CENPS: variants seen among roughly 807,000 people sequenced by gnomAD.
The protein encoded by CENPS is centromere protein S.
Under a neutral mutation model 17.9 loss-of-function variants are expected in CENPS, and 16 were observed. That is an observed-to-expected ratio of 0.90 (90% CI 0.61 to 1.36). The LOEUF (loss-of-function observed/expected upper bound fraction) is 1.36, where lower values mean the gene tolerates loss of function less well. Ranked by LOEUF, CENPS falls within the 40% of genes most tolerant of loss-of-function variation. The probability of loss-of-function intolerance (pLI) is 0.00; values close to 1 mark genes in which losing one functional copy is unlikely to be tolerated. For missense variants in CENPS, 160 were observed against 158.6 expected (o/e 1.01, Z -0.05); for synonymous variants, 49 against 55.8 (o/e 0.88, Z 0.54).
chr1:10,436,253 C>T (rs1167559086), intron 3 of CENPS, among the ~76,000 whole-genome samples: 1 of 151,362 alleles, frequency 6.6e-6, no homozygotes, highest in African/African-American at 2.4e-5. Context: ...GCTAGGATTA[C>T]AGGCGTTGAG....
intron 3 of CENPS, among the ~76,000 whole-genome samples, chr1:10,437,758 ATTTTTTTTTTT>A (rs59257602): frequency 8.1e-5 from 10 of 123,216 alleles, no homozygotes; most frequent in African/African-American, 2.2e-4. Context: ...TGCCTGGCCA[ATTTTTTTTTTT>A]TTTTTTTTTT....
At chr1:10,431,307 G>A in intron 1 of CENPS, 3 of 1,535,224 alleles carry the variant, frequency 2.0e-6, no homozygotes, top group Non-Finnish European at 1.7e-6. Context: ...CCAGACGCGG[G>A]AGTTTCCTCT....
At chr1:10,435,507 C>T (rs1009538917) in intron 3 of CENPS, among the ~76,000 whole-genome samples, 1 of 151,606 alleles carries the variant, frequency 6.6e-6, no homozygotes, top group Non-Finnish European at 1.5e-5. Flanking sequence ...CTGAAAACCG[C>T]TTAGCATCTT....
intron 2 of CENPS, 150 bp downstream of exon 2, chr1:10,434,115 C>A: frequency 6.9e-7 from 1 of 1,458,790 alleles, no homozygotes; most frequent in Non-Finnish European, 9.1e-7. Flanking sequence ...CACTTCTCTT[C>A]TTGGCTGTGA....
chr1:10,431,636 A>G (rs1639919448), intron 1 of CENPS, among the ~76,000 whole-genome samples: 1 of 152,148 alleles, frequency 6.6e-6, no homozygotes, highest in Admixed American at 6.5e-5. Context: ...TGGGCAGATC[A>G]CTTGAGGTCA....
At chr1:10,436,886 T>A (rs643399) in intron 3 of CENPS, among the ~76,000 whole-genome samples, 72,986 of 151,290 alleles carry the variant, frequency 0.48, 17,656 homozygotes, top group South Asian at 0.58. Flanking sequence ...TGAAGACTCA[T>A]CTTGTGTGAA....
At chr1:10,439,499 G>A (rs971217181) in intron 3 of CENPS, among the ~76,000 whole-genome samples, 3 of 152,148 alleles carry the variant, frequency 2.0e-5, no homozygotes, top group Non-Finnish European at 4.4e-5. Flanking sequence ...TGTAATCCCA[G>A]CACTTTGGGA....
At chr1:10,436,896 A>G (rs1195715332) in intron 3 of CENPS, among the ~76,000 whole-genome samples, 1 of 152,088 alleles carries the variant, frequency 6.6e-6, no homozygotes, top group Non-Finnish European at 1.5e-5. Flanking sequence ...TCTTGTGTGA[A>G]TTCCAGTTTG....
At chr1:10,431,325 G>A in intron 1 of CENPS, 1 of 1,535,282 alleles carries the variant, frequency 6.5e-7, no homozygotes, top group Non-Finnish European at 8.7e-7. Flanking sequence ...TCTCTACAAA[G>A]TTACACTGCA....
intron 4 of CENPS, among the ~76,000 whole-genome samples, chr1:10,441,180 C>CT (rs1392008317): frequency 1.3e-5 from 2 of 151,534 alleles, no homozygotes; most frequent in Non-Finnish European, 2.9e-5. Flanking sequence ...ATGCTCACAA[C>CT]TTTTTTTTTC....
intron 3 of CENPS, among the ~76,000 whole-genome samples, chr1:10,439,971 A>AT (rs1320599126): frequency 8.5e-5 from 13 of 152,250 alleles, no homozygotes; most frequent in African/African-American, 3.1e-4. Context: ...CCTCTGTATC[A>AT]TGAGGCCCAT....
intron 3 of CENPS, among the ~76,000 whole-genome samples, chr1:10,438,265 C>T (rs1417392301): frequency 2.6e-5 from 4 of 152,196 alleles, no homozygotes; most frequent in Admixed American, 2.0e-4. Flanking sequence ...CTTTCTCAGC[C>T]TCCCAAGTAG....
intron 1 of CENPS, 121 bp from the exon 2 acceptor site, chr1:10,433,721 A>T: frequency 6.6e-7 from 1 of 1,513,810 alleles, no homozygotes; most frequent in Non-Finnish European, 8.8e-7. Flanking sequence ...CCACTCAGCC[A>T]TTATGGAAAG....
intron 4 of CENPS, 77 bp from the exon 5 acceptor site, chr1:10,442,187 GT>G: frequency 6.6e-7 from 1 of 1,511,944 alleles, no homozygotes; most frequent in South Asian, 1.3e-5. Flanking sequence ...GTTGTGGAGG[GT>G]TTAGTTTCGT....
intron 4 of CENPS, among the ~76,000 whole-genome samples, chr1:10,441,620 CTTTTT>C (rs34369229): frequency 2.1e-5 from 1 of 48,354 alleles, no homozygotes; most frequent in Admixed American, 3.5e-4. Flanking sequence ...GGCTACAACT[CTTTTT>C]TTTTTTTTTT....
chr1:10,431,779 G>T (rs572573770), intron 1 of CENPS, among the ~76,000 whole-genome samples: 2 of 150,504 alleles, frequency 1.3e-5, no homozygotes, highest in Non-Finnish European at 2.9e-5. Flanking sequence ...GCTTGAACCC[G>T]GGAGGCGGAG....
chr1:10,435,704 T>TACACACACAC (rs1245329164), intron 3 of CENPS, among the ~76,000 whole-genome samples: 97 of 143,642 alleles, frequency 6.8e-4, no homozygotes, highest in South Asian at 4.6e-3. Flanking sequence ...TTAAAAATAA[T>TACACACACAC]ATATATATAT....
intron 4 of CENPS, 103 bp downstream of exon 4, chr1:10,440,516 T>G: frequency 6.8e-7 from 1 of 1,473,834 alleles, no homozygotes; most frequent in Non-Finnish European, 9.1e-7. Flanking sequence ...CACCTTGCAT[T>G]AGAAACTAGA....
intron 3 of CENPS, 102 bp downstream of exon 3, chr1:10,434,792 C>CGTGT: frequency 7.0e-7 from 1 of 1,437,800 alleles, no homozygotes; most frequent in Non-Finnish European, 9.2e-7. Flanking sequence ...TTCAGTTTTC[C>CGTGT]GTGTGTTTTG....
Sources: gnomAD v4.1 joint callset for allele counts (sites outside exome capture counted in the v4.1 genomes callset) on GRCh38, gnomAD v4.1.1 for gene constraint, MANE v1.5 for transcripts, NCBI Gene and HGNC (gene_info 2026-07-23, HGNC 2026-07-21) for gene names.